The following IGFL2 variants were observed in gnomAD, a reference collection of about 807,000 sequenced individuals.
IGFL2 encodes the protein IGF like family member 2.
A neutral mutation model predicts 13.9 loss-of-function variants in IGFL2; 7 were observed. The ratio of observed to expected loss-of-function variants is 0.51; its 90% CI spans 0.29 to 0.95. The LOEUF (loss-of-function observed/expected upper bound fraction) is 0.95, where lower values mean the gene tolerates loss of function less well. IGFL2 is among the 40% of genes least tolerant of loss of function. IGFL2 has a pLI of 0.08. For missense variants in IGFL2, 138 were observed against 147.8 expected (o/e 0.93, Z 0.34); for synonymous variants, 55 against 55.8 (o/e 0.99, Z 0.07).
chr19:46,187,781 G>A, the IGFL2 span, among the ~76,000 whole-genome samples: 6 of 148,062 alleles, frequency 4.1e-5, no homozygotes, highest in South Asian at 1.3e-3. Flanking sequence ...GAGATGGTGA[G>A]CATTAACCCG....
chr19:46,118,122 A>T, the IGFL2 span, among the ~76,000 whole-genome samples: 1 of 152,224 alleles, frequency 6.6e-6, no homozygotes, highest in Non-Finnish European at 1.5e-5. Context: ...ACAATAAAAA[A>T]TTTTAAAGAG....
the IGFL2 span, chr19:46,208,006 G>A: frequency 6.6e-6 from 1 of 152,146 alleles, no homozygotes; most frequent in Non-Finnish European, 1.5e-5. Flanking sequence ...ACCGCATCTT[G>A]GGCTGCACTC....
At chr19:46,101,794 G>A in the IGFL2 span, among the ~76,000 whole-genome samples, 2 of 152,144 alleles carry the variant, frequency 1.3e-5, no homozygotes, top group African/African-American at 4.8e-5. Flanking sequence ...CTGTGGTTGG[G>A]ACCTAAGGCC....
chr19:46,128,479 T>C, the IGFL2 span, among the ~76,000 whole-genome samples: 63 of 152,290 alleles, frequency 4.1e-4, no homozygotes, highest in African/African-American at 1.4e-3. Flanking sequence ...TGGCTGTGAG[T>C]TTGTCACAGA....
At chr19:46,206,433 A>G in the IGFL2 span, among the ~76,000 whole-genome samples, 12,464 of 152,242 alleles carry the variant, frequency 0.082, 616 homozygotes, top group Middle Eastern at 0.17. Flanking sequence ...CAGTCTCAGC[A>G]TACGAAGCAC....
chr19:46,163,096 G>T (rs1035081088), downstream of IGFL2, among the ~76,000 whole-genome samples: 1 of 152,190 alleles, frequency 6.6e-6, no homozygotes, highest in Admixed American at 6.5e-5. Context: ...ACGCTTTGGG[G>T]TGTGATCCAG....
chr19:46,100,970 C>G, the IGFL2 span, among the ~76,000 whole-genome samples: 2 of 152,198 alleles, frequency 1.3e-5, no homozygotes, highest in South Asian at 4.1e-4. Context: ...AGTCAGGCCC[C>G]TCTTCTGTAG....
At chr19:46,104,551 T>C in the IGFL2 span, among the ~76,000 whole-genome samples, 2 of 152,150 alleles carry the variant, frequency 1.3e-5, no homozygotes, top group Non-Finnish European at 2.9e-5. Context: ...TCAGATCCTG[T>C]GGGAAAGGCC....
intron 1 of IGFL2, among the ~76,000 whole-genome samples, chr19:46,150,505 G>T (rs1973421376): frequency 6.6e-6 from 1 of 152,112 alleles, no homozygotes; most frequent in African/African-American, 2.4e-5. Context: ...AGTTGACAAA[G>T]AATAATTGTG....
the IGFL2 span, among the ~76,000 whole-genome samples, chr19:46,205,118 G>A: frequency 1.4e-4 from 21 of 152,230 alleles, no homozygotes; most frequent in Admixed American, 9.8e-4. Context: ...AATAGGACCC[G>A]GTAATATAGG....
chr19:46,165,298 G>A (rs540598699), downstream of IGFL2, among the ~76,000 whole-genome samples: 11 of 152,332 alleles, frequency 7.2e-5, no homozygotes, highest in Non-Finnish European at 1.3e-4. Flanking sequence ...ACTATGGAAG[G>A]GTGCTGAAGT....
the IGFL2 span, among the ~76,000 whole-genome samples, chr19:46,189,468 T>C: frequency 0.014 from 2,134 of 151,518 alleles, 56 homozygotes; most frequent in African/African-American, 0.047. Flanking sequence ...TGGAGCAGAG[T>C]CTTCTCTAAC....
At chr19:46,215,263 A>T in the IGFL2 span, among the ~76,000 whole-genome samples, 1 of 152,214 alleles carries the variant, frequency 6.6e-6, no homozygotes, top group Non-Finnish European at 1.5e-5. Flanking sequence ...CTATGAAAAT[A>T]TTCCAATAGA....
downstream of IGFL2, among the ~76,000 whole-genome samples, chr19:46,161,715 G>A (rs1274720880): frequency 6.6e-6 from 1 of 152,126 alleles, no homozygotes; most frequent in African/African-American, 2.4e-5. Flanking sequence ...GTGCCATTAA[G>A]TGTGAGATGG....
the IGFL2 span, among the ~76,000 whole-genome samples, chr19:46,092,251 C>T: frequency 2.6e-5 from 4 of 152,148 alleles, no homozygotes; most frequent in African/African-American, 9.7e-5. Flanking sequence ...CCTCAAACTC[C>T]TGGGCTCAAG....
the IGFL2 span, among the ~76,000 whole-genome samples, chr19:46,127,363 A>G: frequency 1.6e-4 from 24 of 152,322 alleles, no homozygotes; most frequent in South Asian, 4.8e-3. Flanking sequence ...AAGAAAGAAG[A>G]AGGAAGGAAG....
At chr19:46,117,214 G>A in the IGFL2 span, among the ~76,000 whole-genome samples, 2 of 152,212 alleles carry the variant, frequency 1.3e-5, no homozygotes, top group East Asian at 3.9e-4. Context: ...AATTGAGGCT[G>A]CAGTTAGGAA....
chr19:46,162,535 A>G (rs1482106928), downstream of IGFL2, among the ~76,000 whole-genome samples: 8 of 151,976 alleles, frequency 5.3e-5, no homozygotes. Flanking sequence ...CTCTTATTTC[A>G]AAGAACCAGT....
chr19:46,148,579 A>G (rs993775878), intron 1 of IGFL2, among the ~76,000 whole-genome samples: 1 of 152,180 alleles, frequency 6.6e-6, no homozygotes, highest in African/African-American at 2.4e-5. Flanking sequence ...TGTTACAGCA[A>G]CCAAAGAAAC....
Sources: allele counts gnomAD v4.1 joint callset (sites outside exome capture counted in the v4.1 genomes callset), GRCh38; gene constraint gnomAD v4.1.1; transcripts MANE v1.5; gene names NCBI Gene and HGNC (gene_info 2026-07-23, HGNC 2026-07-21).